Variants in XKR4 observed in about 807,000 individuals in gnomAD.
The protein encoded by XKR4 is XK related 4.
XKR4 carries 12 observed loss-of-function variants against 53.9 expected under a neutral mutation model. The ratio of observed to expected loss-of-function variants is 0.22; its 90% CI spans 0.14 to 0.36. The LOEUF (loss-of-function observed/expected upper bound fraction) is 0.36, where lower values mean the gene tolerates loss of function less well. XKR4 is among the 10% of genes least tolerant of loss of function. XKR4 has a pLI of 1.00. For missense variants in XKR4, 799 were observed against 859.5 expected (o/e 0.93, Z 0.88); for synonymous variants, 354 against 362.4 (o/e 0.98, Z 0.26).
intron 1 of XKR4, among the ~76,000 whole-genome samples, chr8:55,249,168 G>T (rs961492488): frequency 6.6e-6 from 1 of 152,160 alleles, no homozygotes; most frequent in Non-Finnish European, 1.5e-5. Flanking sequence ...AGCAAAAAAA[G>T]ATCATTGTTG....
At chr8:55,302,392 A>C (rs1176368370) in intron 1 of XKR4, among the ~76,000 whole-genome samples, 1 of 151,888 alleles carries the variant, frequency 6.6e-6, no homozygotes, top group African/African-American at 2.4e-5. Context: ...TGTTTTGGTT[A>C]CTGTAGCCTT....
At position 55,541,074 on chromosome 8, in the gene XKR4, C is replaced by A. The variant is rs1241876437; in HGVS notation, c.*16847C>A. On this transcript the variant is annotated 3_prime_UTR_variant, in exon 3 of 3. Transcript: ENST00000327381. ...TTGCTACCAATATTTGTTCTTAATT[C>A]TCCAGTTATTTTAAGTAAATAAGTT... 6.6e-6 allele frequency: 1 copy of A among 152,160 alleles called. No individual in the cohort carries two copies. The highest frequency in any genetic ancestry group is 1.5e-5 in the Non-Finnish European group (1 of 68,034). 9.4% of individuals were successfully genotyped at this position (152,160 alleles called of 1,614,324 possible).
chr8:55,237,213 T>C (rs79508871), intron 1 of XKR4, among the ~76,000 whole-genome samples: 2,415 of 152,310 alleles, frequency 0.016, 70 homozygotes, highest in African/African-American at 0.054. Flanking sequence ...AGAATACAGT[T>C]GACCTTTAAA....
intron 2 of XKR4, among the ~76,000 whole-genome samples, chr8:55,382,352 C>T (rs575711304): frequency 1.6e-4 from 24 of 152,282 alleles, no homozygotes; most frequent in African/African-American, 5.8e-4. Context: ...AGCAGTTGTG[C>T]ATACATTCCA....
chr8:55,504,879 T>C (rs1264572538), intron 2 of XKR4, among the ~76,000 whole-genome samples: 2 of 152,170 alleles, frequency 1.3e-5, no homozygotes, highest in African/African-American at 4.8e-5. Context: ...TAATTCTTTT[T>C]ACTTCTGTAA....
intron 1 of XKR4, chr8:55,135,652 T>C (rs1295979244): frequency 2.2e-6 from 1 of 455,694 alleles, no homozygotes; most frequent in Middle Eastern, 3.3e-4. Context: ...GATAGAGGAG[T>C]CTTCAAAAAA....
intron 1 of XKR4, among the ~76,000 whole-genome samples, chr8:55,154,440 T>C: frequency 1.3e-5 from 2 of 152,336 alleles, no homozygotes; most frequent in South Asian, 4.1e-4. Context: ...GAGAACATTT[T>C]CTATTTAAAT....
intron 2 of XKR4, among the ~76,000 whole-genome samples, chr8:55,456,229 C>T (rs556329274): frequency 2.2e-4 from 33 of 152,104 alleles, no homozygotes; most frequent in Admixed American, 2.0e-3. Context: ...GTAGGGATTT[C>T]GAGACCAGCC....
At chr8:55,213,856 C>CTTTTT (rs11433893) in intron 1 of XKR4, among the ~76,000 whole-genome samples, 1,963 of 82,440 alleles carry the variant, frequency 0.024, 24 homozygotes, top group Middle Eastern at 0.043. Context: ...TTCTTTCTTT[C>CTTTTT]TTTTTTTTTT....
chr8:55,294,856 A>G (rs1177190565), intron 1 of XKR4, among the ~76,000 whole-genome samples: 1 of 152,216 alleles, frequency 6.6e-6, no homozygotes, highest in Admixed American at 6.5e-5. Context: ...TGGGGGAAAG[A>G]CGAAGACCTC....
chr8:55,145,287 C>A lies in XKR4; in HGVS notation c.806+41993C>A, dbSNP rs1259114348. Among the ~76,000 whole-genome samples the A allele has an allele frequency of 2.0e-5, 3 of 152,226 alleles. No individual in the cohort carries two copies. The East Asian group carries it at 5.8e-4, about 29-fold the overall frequency. ...GCTCTGCAGACATCTACTCCATGTC[C>A]TTCTCTTCTTGAATGCTCCTCTGAC... On this transcript the variant is annotated intron_variant, in intron 1 of 2. Transcript: ENST00000327381.
chr8:55,495,299 C>A (rs1051171007), intron 2 of XKR4, among the ~76,000 whole-genome samples: 2 of 152,160 alleles, frequency 1.3e-5, no homozygotes, highest in Non-Finnish European at 2.9e-5. Flanking sequence ...CCTGGACCCC[C>A]AAGAGCACAG....
At chr8:55,180,805 T>A (rs1275770483) in intron 1 of XKR4, among the ~76,000 whole-genome samples, 1 of 152,180 alleles carries the variant, frequency 6.6e-6, no homozygotes, top group Non-Finnish European at 1.5e-5. Flanking sequence ...AGTGCTGGGA[T>A]TACAGGTATA....
At chr8:55,197,444 T>C (rs1450529046) in intron 1 of XKR4, among the ~76,000 whole-genome samples, 1 of 152,222 alleles carries the variant, frequency 6.6e-6, no homozygotes, top group East Asian at 1.9e-4. Context: ...GTGATATCTT[T>C]AATGTGATTA....
At chr8:55,255,451 A>C (rs1367575032) in intron 1 of XKR4, among the ~76,000 whole-genome samples, 1 of 152,202 alleles carries the variant, frequency 6.6e-6, no homozygotes, top group Non-Finnish European at 1.5e-5. Context: ...ATTTTCATCC[A>C]ATTACCAAAT....
chr8:55,139,020 A>C (rs1816666201), intron 1 of XKR4, among the ~76,000 whole-genome samples: 1 of 152,192 alleles, frequency 6.6e-6, no homozygotes. Flanking sequence ...TTCTGTGCTT[A>C]ATCTGTGCAC....
chr8:55,523,601 T>C lies in XKR4; in HGVS notation c.1327T>C (p.Phe443Leu). Residue 443 changes from phenylalanine to leucine, a missense_variant, in exon 3 of 3, where the codon TTC becomes CTC. Around this residue, in one of 3 missense-constraint regions of XKR4, gnomAD observed 269 missense variants for 264.4 expected, o/e 1.02. Coordinates refer to ENST00000327381, the MANE Select transcript of XKR4 (RefSeq NM_052898.2). ...CATGGTGGTGGGGATTATCTATATC[T>C]TCAGTTGGTTCAATGTCAAGGAAGG... ...FDMVVGIIYI[F>L]SWFNVKEGRT... The C allele has an allele frequency of 1.2e-5, 20 of 1,614,188 alleles. No homozygotes were observed. Among genetic ancestry groups the C allele is most frequent in the Non-Finnish European group, 1.7e-5 (20 of 1,180,028 alleles).
intron 2 of XKR4, among the ~76,000 whole-genome samples, chr8:55,410,549 A>G (rs1804760853): frequency 6.6e-6 from 1 of 152,158 alleles, no homozygotes; most frequent in African/African-American, 2.4e-5. Context: ...CAGGCTAGTA[A>G]CCAGGGCCCT....
chr8:55,248,243 C>G (rs189931688), intron 1 of XKR4, among the ~76,000 whole-genome samples: 80 of 152,262 alleles, frequency 5.3e-4, no homozygotes, highest in African/African-American at 1.9e-3. Context: ...CACAAGGAAC[C>G]CAGTTTCTAA....
Sources: allele counts gnomAD v4.1 joint callset (sites outside exome capture counted in the v4.1 genomes callset), GRCh38; gene constraint gnomAD v4.1.1; regional missense constraint gnomAD v4.1.1; transcripts MANE v1.5; gene names NCBI Gene and HGNC (gene_info 2026-07-23, HGNC 2026-07-21).